The following CHID1 variants were observed in gnomAD, a reference collection of about 807,000 sequenced individuals.
The protein encoded by CHID1 is chitinase domain containing 1, also known as chitinase domain-containing protein 1.
CHID1 carries 44 observed loss-of-function variants against 55.4 expected under a neutral mutation model. The ratio of observed to expected loss-of-function variants is 0.79; its 90% CI spans 0.62 to 1.02. The LOEUF is 1.02. Ranked by LOEUF, CHID1 falls within the 50% of genes least tolerant of loss-of-function variation. CHID1 has a pLI of 0.00. For synonymous variants in CHID1, 216 were observed against 212.9 expected (o/e 1.01, Z -0.13); for missense variants, 491 against 515.3 (o/e 0.95, Z 0.46).
At position 910,265 on chromosome 11, in the gene CHID1, C is replaced by T. The variant is rs1340422968; in HGVS notation, c.-44+510G>A. ...GATCGCGTCTGATGCGCCCACCCTTCACGGGGACCGCGTGCCCCTCACTGG... is the reference window on the plus strand; with the variant it reads ...GATCGCGTCTGATGCGCCCACCCTTTACGGGGACCGCGTGCCCCTCACTGG... On this transcript the variant is annotated intron_variant, in intron 1 of 12. Transcript: ENST00000323578. Among the ~76,000 whole-genome samples the T allele has an allele frequency of 5.3e-5, 8 of 152,268 alleles. No individual in the cohort carries two copies. The East Asian group carries it at 1.6e-3, about 30-fold the overall frequency.
chr11:880,333 G>A (rs1207582845), intron 10 of CHID1, among the ~76,000 whole-genome samples: 3 of 152,322 alleles, frequency 2.0e-5, no homozygotes, highest in South Asian at 2.1e-4. Context: ...GTCCGCCCCC[G>A]CAGCAGGGTC....
intron 8 of CHID1, among the ~76,000 whole-genome samples, chr11:891,474 C>A (rs765859596): frequency 5.9e-5 from 9 of 152,214 alleles, no homozygotes; most frequent in Non-Finnish European, 1.2e-4. Context: ...TGCCTAGGGC[C>A]AGAAGCTCAG....
intron 8 of CHID1, among the ~76,000 whole-genome samples, chr11:886,596 CA>C (rs1479850651): frequency 2.0e-5 from 3 of 152,224 alleles, no homozygotes; most frequent in African/African-American, 4.8e-5. Context: ...TGACGCGCCC[CA>C]TGGTGGAGTT....
chr11:902,749 C>G (rs1044024402), intron 3 of CHID1, among the ~76,000 whole-genome samples: 9 of 152,218 alleles, frequency 5.9e-5, no homozygotes, highest in African/African-American at 2.2e-4. Context: ...CCACAGAGAT[C>G]AGCACAGCAA....
intron 8 of CHID1, among the ~76,000 whole-genome samples, chr11:892,252 G>A (rs928634953): frequency 1.1e-4 from 16 of 152,288 alleles, no homozygotes; most frequent in Admixed American, 5.2e-4. Context: ...CAGAACTGCC[G>A]AGGCACAGCC....
chr11:882,010 A>G (rs1403129440), intron 10 of CHID1, among the ~76,000 whole-genome samples: 2 of 149,460 alleles, frequency 1.3e-5, no homozygotes, highest in Non-Finnish European at 3.0e-5. Context: ...TCTCAAAAAA[A>G]AAAAAAAAAA....
intron 10 of CHID1, among the ~76,000 whole-genome samples, chr11:879,755 G>GT (rs1372425352): frequency 7.9e-5 from 12 of 152,244 alleles, no homozygotes; most frequent in African/African-American, 2.7e-4. Flanking sequence ...AGGCTTCCCT[G>GT]AAGGCCTGGG....
At chr11:902,830 A>G (rs1240880234) in intron 3 of CHID1, 132 bp downstream of exon 3, 1 of 843,328 alleles carries the variant, frequency 1.2e-6, no homozygotes, top group Non-Finnish European at 1.8e-6. Flanking sequence ...CCGTAGCCTC[A>G]CAGCAGCAGC....
chr11:893,475 T>G lies in CHID1; in HGVS notation c.653A>C (p.Gln218Pro), dbSNP rs373338550. The G allele has an allele frequency of 6.4e-7, 1 of 1,551,816 alleles. No homozygotes were observed. The highest frequency in any genetic ancestry group is 1.4e-5 in the African/African-American group (1 of 73,362). ...MLTHLAEALHQARLLALLVIP... is the reference protein window; with the variant it reads ...MLTHLAEALHPARLLALLVIP... ...GACCAGGAGGGCCAGCAGCCGGGCC[T>G]GGTGCAGAGCCTCGGCCAAGTGGGT... is the stretch of plus-strand genomic sequence containing the variant. The change falls in exon 8 of 13, where the codon CAG (glutamine) becomes CCG (proline). Residue 218 changes from glutamine to proline, a missense_variant. By Grantham distance (76) the Gln-to-Pro change is moderately conservative. Transcript: ENST00000323578.
rs570735805 is a variant in CHID1, at chr11:870,103, G to A, written c.1083+18C>T. On this transcript the variant is annotated intron_variant, in intron 12 of 12. Transcript: ENST00000323578. ...TGGCCCACCCCTCCCCCGGTCCCAC[G>A]GCTGGCAGCACACGCACCTTCAGGG... is the stretch of plus-strand genomic sequence containing the variant. The A allele has an allele frequency of 1.6e-5, 25 of 1,612,708 alleles. No individual in the cohort carries two copies. The highest frequency in any genetic ancestry group is 1.9e-5 in the Non-Finnish European group (23 of 1,179,890).
chr11:902,886 A>C, intron 3 of CHID1, 76 bp downstream of exon 3: 1 of 1,399,210 alleles, frequency 7.1e-7, no homozygotes, highest in East Asian at 2.3e-5. Context: ...GACTGGCCAG[A>C]AGAGGCCATC....
At position 869,907 on chromosome 11, in the gene CHID1, G is replaced by C. The variant is rs754145886; in HGVS notation, c.1133C>G (p.Ser378Cys). 2.5e-6 allele frequency: 4 copies of C among 1,612,822 alleles called. No individual in the cohort carries two copies. Among genetic ancestry groups the C allele is most frequent in the South Asian group, 2.2e-5 (2 of 91,078 alleles). The change falls in exon 13 of 13, where the codon TCT (serine) becomes TGT (cysteine). Residue 378 changes from serine (S) to cysteine (C), a missense_variant. Physicochemically the swap from Ser to Cys is moderately radical, Grantham distance 112. Transcript: ENST00000323578. Reference protein sequence around the residue: ...ELARELGVGVSIWELGQGLDY... With the variant: ...ELARELGVGVCIWELGQGLDY... ...CAGGCCCTGGCCCAGCTCCCAGATA[G>C]AGACCCCAACGCCCAGCTCCCGGGC...
chr11:879,265 G>C (rs911777841), intron 10 of CHID1, among the ~76,000 whole-genome samples: 2 of 151,932 alleles, frequency 1.3e-5, no homozygotes, highest in Non-Finnish European at 2.9e-5. Context: ...TGTAGAGTTA[G>C]GGTCTCACCA....
At chr11:897,960 G>A (rs974685899) in intron 7 of CHID1, among the ~76,000 whole-genome samples, 5 of 152,192 alleles carry the variant, frequency 3.3e-5, no homozygotes, top group African/African-American at 1.2e-4. Flanking sequence ...CTCTTCTGGA[G>A]CCGGGGCCTG....
At chr11:910,582 C>T in intron 1 of CHID1, 193 bp downstream of exon 1, 2 of 1,193,106 alleles carry the variant, frequency 1.7e-6, no homozygotes, top group Non-Finnish European at 2.1e-6. Context: ...AACCCTCTCT[C>T]ACCCTCGTCC....
In CHID1 at chr11:875,660, AG is replaced by A. The variant is rs1849463461; in HGVS notation, c.960-5162del. On this transcript the variant is annotated intron_variant, in intron 10 of 12. Coordinates refer to ENST00000323578, the MANE Select transcript of CHID1 (RefSeq NM_023947.4). This position sits in a 1 kb window ranked among gnomAD's most constrained non-coding sequence, Gnocchi z 4.7. ...GGAGTCAAGTCCTGGGGTGGCCATG[AG>A]GGGCTCGCCACACCATTCTATGCAC... Among the ~76,000 whole-genome samples the A allele has an allele frequency of 6.6e-6, 1 of 152,118 alleles. No homozygotes were observed. The highest frequency in any genetic ancestry group is 2.4e-5 in the African/African-American group (1 of 41,430).
At chr11:908,917 C>A (rs1346910344) in intron 1 of CHID1, among the ~76,000 whole-genome samples, 2 of 152,250 alleles carry the variant, frequency 1.3e-5, no homozygotes, top group African/African-American at 4.8e-5. Context: ...ACAGTCCTGC[C>A]AGCATGTGTC....
chr11:912,321 A>G (rs539020366), upstream of CHID1, among the ~76,000 whole-genome samples: 1 of 152,260 alleles, frequency 6.6e-6, no homozygotes, highest in Non-Finnish European at 1.5e-5. Context: ...TCTCAAAAAA[A>G]CAAAAAAAAG....
At chr11:881,108 C>T (rs1398851148) in intron 10 of CHID1, among the ~76,000 whole-genome samples, 1 of 152,092 alleles carries the variant, frequency 6.6e-6, no homozygotes, top group African/African-American at 2.4e-5. Context: ...TTAGTAGAGA[C>T]ATGGAAGACG....
Sources: gnomAD v4.1 joint callset for allele counts (sites outside exome capture counted in the v4.1 genomes callset) on GRCh38, gnomAD v4.1.1 for gene constraint, Gnocchi (gnomAD v3.1) non-coding constraint, MANE v1.5 for transcripts, NCBI Gene and HGNC (gene_info 2026-07-23, HGNC 2026-07-21) for gene names.